Variants in GPC6 observed in about 807,000 individuals in gnomAD.
GPC6 encodes the protein glypican 6, also known as glypican-6.
GPC6 carries 14 observed loss-of-function variants against 55.2 expected under a neutral mutation model. That is an observed-to-expected ratio of 0.25 (90% CI 0.17 to 0.40). The LOEUF (loss-of-function observed/expected upper bound fraction) is 0.40. Among genes scored for constraint, GPC6 ranks in the 10% least tolerant of loss-of-function variants. The pLI is 1.00. For missense variants in GPC6, 641 were observed against 708.5 expected (o/e 0.90, Z 1.08); for synonymous variants, 278 against 259.6 (o/e 1.07, Z -0.68).
At chr13:93,436,424 A>C (rs1288276535) in intron 1 of GPC6, among the ~76,000 whole-genome samples, 1 of 152,202 alleles carries the variant, frequency 6.6e-6, no homozygotes, top group Non-Finnish European at 1.5e-5. Flanking sequence ...GCATGATAGA[A>C]TTCCAAACTG....
intron 2 of GPC6, among the ~76,000 whole-genome samples, chr13:93,640,729 TTCCC>T (rs1217990675): frequency 2.8e-4 from 1 of 3,604 alleles, no homozygotes; most frequent in South Asian, 3.3e-3. Context: ...CCCACTTTCC[TTCCC>T]TCCCTCCTCC....
At chr13:93,556,792 G>A (rs1437275544) in intron 2 of GPC6, among the ~76,000 whole-genome samples, 1 of 152,020 alleles carries the variant, frequency 6.6e-6, no homozygotes, top group Non-Finnish European at 1.5e-5. Flanking sequence ...ACAAATGAAT[G>A]AGAACATATG....
At chr13:94,050,362 G>T (rs1883898273) in intron 4 of GPC6, among the ~76,000 whole-genome samples, 1 of 152,154 alleles carries the variant, frequency 6.6e-6, no homozygotes, top group African/African-American at 2.4e-5. Flanking sequence ...AAAATCCAAT[G>T]AAATTGTGAG....
intron 2 of GPC6, among the ~76,000 whole-genome samples, chr13:93,560,546 T>C (rs1163594502): frequency 1.3e-5 from 2 of 151,230 alleles, no homozygotes; most frequent in Admixed American, 1.3e-4. Context: ...TATATTGCCT[T>C]CCTTGTTAGA....
chr13:93,240,338 T>G (rs1876388088), intron 1 of GPC6, among the ~76,000 whole-genome samples: 1 of 152,096 alleles, frequency 6.6e-6, no homozygotes, highest in African/African-American at 2.4e-5. Flanking sequence ...GGTTGTTATC[T>G]CTTCTTGTTG....
chr13:94,367,847 T>C (rs1879351058), intron 6 of GPC6, among the ~76,000 whole-genome samples: 1 of 151,120 alleles, frequency 6.6e-6, no homozygotes, highest in African/African-American at 2.4e-5. Context: ...TTTGTCAACT[T>C]GGGAGTAATG....
At chr13:93,930,523 G>A (rs112187210) in intron 3 of GPC6, among the ~76,000 whole-genome samples, 74 of 151,962 alleles carry the variant, frequency 4.9e-4, no homozygotes, top group African/African-American at 1.6e-3. Context: ...CACCCACCAC[G>A]GCCTCCCAAT....
rs572209781 is a variant in GPC6 at position 93,438,887 on chromosome 13, T to C, written c.161-106376T>C. On this transcript the variant is annotated intron_variant, in intron 1 of 8. Coordinates refer to ENST00000377047, the MANE Select transcript of GPC6 (RefSeq NM_005708.5). ...AAGATTCAATTGATAGGACACATTT[T>C]ATTGTTGTCCTATTTTAAGAAGTTG... Among the ~76,000 whole-genome samples the C allele has an allele frequency of 8.5e-5, 13 of 152,222 alleles. No individual in the cohort carries two copies. In the South Asian group the frequency reaches 2.7e-3, roughly 32 times the overall value.
chr13:93,288,794 G>T (rs1272185997), intron 1 of GPC6, among the ~76,000 whole-genome samples: 1 of 152,180 alleles, frequency 6.6e-6, no homozygotes, highest in Non-Finnish European at 1.5e-5. Context: ...CAACCTGCAG[G>T]CATGGAGGCT....
intron 3 of GPC6, among the ~76,000 whole-genome samples, chr13:93,898,405 T>C (rs761260231): frequency 6.6e-6 from 1 of 152,032 alleles, no homozygotes; most frequent in African/African-American, 2.4e-5. Flanking sequence ...CATAGGGAAG[T>C]ATATAAGAGT....
chr13:93,517,359 G>A (rs1311840123), intron 1 of GPC6, among the ~76,000 whole-genome samples: 1 of 152,056 alleles, frequency 6.6e-6, no homozygotes, highest in East Asian at 1.9e-4. Flanking sequence ...CAGATAATAA[G>A]AAGTGCTACA....
At chr13:93,782,913 T>A (rs931000090) in intron 2 of GPC6, among the ~76,000 whole-genome samples, 2 of 152,156 alleles carry the variant, frequency 1.3e-5, no homozygotes, top group African/African-American at 4.8e-5. Flanking sequence ...AGGTATGCCA[T>A]GGTGGTTTGC....
intron 4 of GPC6, among the ~76,000 whole-genome samples, chr13:94,115,936 G>A (rs1170350635): frequency 4.0e-5 from 6 of 151,824 alleles, no homozygotes; most frequent in Admixed American, 6.6e-5. Context: ...TTAATTTTAC[G>A]TATCAAGATT....
In GPC6 at chr13:93,957,739, A is replaced by G. The variant is rs555597647; in HGVS notation, c.712-69990A>G. Among the ~76,000 whole-genome samples the G allele has an allele frequency of 3.3e-5, 5 of 152,328 alleles. No individual in the cohort carries two copies. In the East Asian group the frequency reaches 9.6e-4, roughly 29 times the overall value. ...TCTATTTTCCTTTGAGTATATACAC[A>G]GTCATGAAATTGGTATGTCAAATAG... On this transcript the variant is annotated intron_variant, in intron 3 of 8. Coordinates refer to ENST00000377047, the MANE Select transcript of GPC6 (RefSeq NM_005708.5).
chr13:93,743,390 T>A (rs1884275489), intron 2 of GPC6, among the ~76,000 whole-genome samples: 1 of 152,214 alleles, frequency 6.6e-6, no homozygotes, highest in Non-Finnish European at 1.5e-5. Context: ...TGGCCAATAC[T>A]ATTCATCCTA....
chr13:93,339,377 T>TAAAA lies in GPC6; in HGVS notation c.160+111774_160+111777dup, dbSNP rs3074917. 1.3e-3 allele frequency among the ~76,000 whole-genome samples: 172 copies of TAAAA among 137,512 alleles called. 2 individuals are homozygous for TAAAA. The highest frequency in any genetic ancestry group is 2.8e-3 in the South Asian group (12 of 4,276). The allele number at this position is 137,512 out of a possible 152,430, so 90.2% of individuals were successfully genotyped here. A position where few individuals can be genotyped will look rare whatever the true frequency, so the allele number is the denominator to read the frequency against. ...TGTAGAAATAAACACCATCATCTAT[T>TAAAA]AAAAAAAAAAAAAAAAGCACCACGT... On this transcript the variant is annotated intron_variant, in intron 1 of 8. Coordinates refer to ENST00000377047, the MANE Select transcript of GPC6 (RefSeq NM_005708.5).
At chr13:93,901,587 C>G (rs2080447534) in intron 3 of GPC6, among the ~76,000 whole-genome samples, 1 of 151,900 alleles carries the variant, frequency 6.6e-6, no homozygotes, top group Non-Finnish European at 1.5e-5. Flanking sequence ...TTTAACAGAT[C>G]AAACAAGACA....
chr13:93,934,700 A>G (rs901097919), intron 3 of GPC6, among the ~76,000 whole-genome samples: 19 of 151,152 alleles, frequency 1.3e-4, no homozygotes, highest in African/African-American at 4.0e-4. Flanking sequence ...TTAAGGATGT[A>G]ATATGTGACC....
intron 2 of GPC6, among the ~76,000 whole-genome samples, chr13:93,764,011 G>A (rs1325493950): frequency 2.6e-5 from 4 of 152,004 alleles, no homozygotes; most frequent in South Asian, 2.1e-4. Flanking sequence ...ATCACAGATC[G>A]GATCTACTGA....
Sources: gnomAD v4.1 joint callset for allele counts (sites outside exome capture counted in the v4.1 genomes callset) on GRCh38, gnomAD v4.1.1 for gene constraint, MANE v1.5 for transcripts, NCBI Gene and HGNC (gene_info 2026-07-23, HGNC 2026-07-21) for gene names.